Variants in CDC73 observed in about 807,000 individuals in gnomAD.
CDC73 encodes the protein parafibromin.
A neutral mutation model predicts 83.7 loss-of-function variants in CDC73; 21 were observed. That is an observed-to-expected ratio of 0.25 (90% CI 0.18 to 0.36). CDC73 has a LOEUF of 0.36. Ranked by LOEUF, CDC73 falls within the 10% of genes least tolerant of loss-of-function variation. The pLI is 1.00. For missense variants in CDC73, 342 were observed against 653.3 expected (o/e 0.52, Z 5.19); for synonymous variants, 224 against 212.9 (o/e 1.05, Z -0.45).
chr1:193,229,782 A>G (rs1677627203), intron 13 of CDC73, among the ~76,000 whole-genome samples: 1 of 152,234 alleles, frequency 6.6e-6, no homozygotes, highest in African/African-American at 2.4e-5. Context: ...GAAACATTAC[A>G]TTGAATGAAA....
intron 11 of CDC73, among the ~76,000 whole-genome samples, chr1:193,208,048 A>G (rs947371822): frequency 6.6e-6 from 1 of 152,108 alleles, no homozygotes; most frequent in Non-Finnish European, 1.5e-5. Flanking sequence ...TTTCCCTGCT[A>G]TTTTCCCCAA....
chr1:193,199,540 T>G (rs1677055153), intron 10 of CDC73, among the ~76,000 whole-genome samples: 1 of 151,804 alleles, frequency 6.6e-6, no homozygotes, highest in African/African-American at 2.4e-5. Context: ...GGTGAAACTC[T>G]GTTTCTACTA....
intron 13 of CDC73, among the ~76,000 whole-genome samples, chr1:193,230,883 G>A (rs1049648183): frequency 6.6e-6 from 1 of 152,128 alleles, no homozygotes; most frequent in African/African-American, 2.4e-5. Context: ...GCTGAAAAGC[G>A]TTTTGAAATA....
At chr1:193,168,535 T>A (rs1676470220) in intron 10 of CDC73, among the ~76,000 whole-genome samples, 1 of 152,128 alleles carries the variant, frequency 6.6e-6, no homozygotes, top group Non-Finnish European at 1.5e-5. Context: ...TCTGCCTTTT[T>A]TTTTTTTTGA....
intron 13 of CDC73, among the ~76,000 whole-genome samples, chr1:193,223,186 C>T (rs911905265): frequency 6.6e-6 from 1 of 151,762 alleles, no homozygotes; most frequent in Non-Finnish European, 1.5e-5. Flanking sequence ...TTGTTTCATA[C>T]ATGATAACTT....
intron 11 of CDC73, among the ~76,000 whole-genome samples, chr1:193,207,462 G>A (rs562532131): frequency 3.9e-5 from 6 of 152,192 alleles, no homozygotes; most frequent in East Asian, 3.9e-4. Flanking sequence ...AGTCCAGGGC[G>A]TATTTCAGTC....
Position 193,236,252 on chromosome 1 carries a change from G to A in CDC73, c.1317-4G>A. On this transcript the variant is annotated splice_region_variant and splice_polypyrimidine_tract_variant and intron_variant, in intron 14 of 16. Coordinates refer to ENST00000367435, the MANE Select transcript of CDC73 (RefSeq NM_024529.5). Reference sequence around the variant, plus strand: ...CCTCCCCCCACCCACTTTTCTACTTGTAGGGACCGCGTTGTAGCCGTTTTT... The same window carrying A: ...CCTCCCCCCACCCACTTTTCTACTTATAGGGACCGCGTTGTAGCCGTTTTT... 6.2e-7 allele frequency: 1 copy of A among 1,608,824 alleles called. No homozygotes were observed. Among genetic ancestry groups the A allele is most frequent in the Non-Finnish European group, 8.5e-7 (1 of 1,175,230 alleles).
At chr1:193,225,776 T>G (rs1677556852) in intron 13 of CDC73, among the ~76,000 whole-genome samples, 1 of 152,092 alleles carries the variant, frequency 6.6e-6, no homozygotes, top group Non-Finnish European at 1.5e-5. Flanking sequence ...CTTGCTAATT[T>G]GAGTTTGAGG....
intron 2 of CDC73, among the ~76,000 whole-genome samples, chr1:193,125,530 G>C (rs1434435348): frequency 6.6e-6 from 1 of 152,048 alleles, no homozygotes; most frequent in Admixed American, 6.6e-5. Context: ...CCGAAGTGCT[G>C]GGATTACTGG....
In CDC73 at chr1:193,122,191, G is replaced by C. The variant is rs188082584; in HGVS notation, c.-10G>C. The C allele has an allele frequency of 1.9e-6, 3 of 1,612,742 alleles. No individual in the cohort carries two copies. The highest frequency in any genetic ancestry group is 1.7e-6 in the Non-Finnish European group (2 of 1,179,132). ...GGCGCCCCGAGCCGGCGGAGGCGAG[G>C]GGGGGGAAGATGGCGGACGTGCTTA... On this transcript the variant is annotated 5_prime_UTR_variant, in exon 1 of 17. Transcript: ENST00000367435.
intron 10 of CDC73, among the ~76,000 whole-genome samples, chr1:193,177,358 C>CAAAAAAAGAAAAAA (rs1676624262): frequency 1.4e-5 from 1 of 69,544 alleles, no homozygotes; most frequent in Non-Finnish European, 2.6e-5. Flanking sequence ...ACTAAAAATA[C>CAAAAAAAGAAAAAA]AAAAAAAAAA....
intron 11 of CDC73, among the ~76,000 whole-genome samples, chr1:193,207,980 ACTGT>A (rs1558311371): frequency 6.6e-6 from 1 of 152,196 alleles, no homozygotes; most frequent in Non-Finnish European, 1.5e-5. Flanking sequence ...TCTTATATTA[ACTGT>A]CTGTGTAACA....
At position 193,148,016 on chromosome 1, in the gene CDC73, A is replaced by G. The variant is rs1435668383; in HGVS notation, c.828+51A>G. ...TAGATTTAATGAAGTTGCCACTTATATTGCAGTGTAGTAACGTTGAAGACA... is the reference window on the plus strand; with the variant it reads ...TAGATTTAATGAAGTTGCCACTTATGTTGCAGTGTAGTAACGTTGAAGACA... On this transcript the variant is annotated intron_variant, in intron 8 of 16. Transcript: ENST00000367435. 6.0e-6 allele frequency: 7 copies of G among 1,175,410 alleles called. No individual in the cohort carries two copies. The Admixed American group carries it at 1.2e-4, about 20-fold the overall frequency. The allele number at this position is 1,175,410 out of a possible 1,614,324, so 72.8% of individuals were successfully genotyped here. A position where few individuals can be genotyped will look rare whatever the true frequency, so the allele number is the denominator to read the frequency against.
intron 13 of CDC73, among the ~76,000 whole-genome samples, chr1:193,225,297 C>T (rs192235387): frequency 5.4e-5 from 8 of 148,334 alleles, no homozygotes; most frequent in South Asian, 4.3e-4. Context: ...TTTCTTTATC[C>T]GCTAGTTGAT....
chr1:193,250,894 A>G lies in CDC73; in HGVS notation c.*182A>G. 1.6e-6 allele frequency: 1 copy of G among 614,240 alleles called. No homozygotes were observed. Among genetic ancestry groups the G allele is most frequent in the South Asian group, 2.1e-5 (1 of 47,896 alleles). 38.0% of individuals were successfully genotyped at this position (614,240 alleles called of 1,614,324 possible). A position where few individuals can be genotyped will look rare whatever the true frequency, so the allele number is the denominator to read the frequency against. On this transcript the variant is annotated 3_prime_UTR_variant, in exon 17 of 17. Coordinates refer to ENST00000367435, the MANE Select transcript of CDC73 (RefSeq NM_024529.5). ...TTTTTGGCTTACAACTATTTTTTTA[A>G]TATTAGCCTTCTAGTCTGTAATGGA...
At chr1:193,249,584 C>T (rs988594032) in intron 15 of CDC73, 146 bp from the exon 16 acceptor site, 14 of 646,480 alleles carry the variant, frequency 2.2e-5, no homozygotes, top group South Asian at 3.7e-5. Context: ...CAGTGGCTGG[C>T]GTGTATAAAC....
intron 1 of CDC73, 84 bp downstream of exon 1, chr1:193,122,415 G>C (rs1026728328): frequency 1.3e-6 from 2 of 1,560,466 alleles, no homozygotes; most frequent in Non-Finnish European, 1.8e-6. Context: ...CCCTCCCCCC[G>C]TTTCCCCTGG....
chr1:193,126,117 C>T (rs973608874), intron 2 of CDC73, among the ~76,000 whole-genome samples: 2 of 152,078 alleles, frequency 1.3e-5, no homozygotes, highest in African/African-American at 4.8e-5. Flanking sequence ...ACCCGAAACG[C>T]TAAAAGTATT....
At chr1:193,228,978 G>A (rs1185096078) in intron 13 of CDC73, among the ~76,000 whole-genome samples, 1 of 151,880 alleles carries the variant, frequency 6.6e-6, no homozygotes, top group Non-Finnish European at 1.5e-5. Flanking sequence ...ACAAAACAAG[G>A]TATACAAATG....
Sources: gnomAD v4.1 joint callset for allele counts (sites outside exome capture counted in the v4.1 genomes callset) on GRCh38, gnomAD v4.1.1 for gene constraint, MANE v1.5 for transcripts, NCBI Gene and HGNC (gene_info 2026-07-23, HGNC 2026-07-21) for gene names.